VDAC2: variants seen among roughly 807,000 people sequenced by gnomAD.
The protein encoded by VDAC2 is non-selective voltage-gated ion channel VDAC2.
Under a neutral mutation model 36.6 loss-of-function variants are expected in VDAC2, and 6 were observed. That is an observed-to-expected ratio of 0.16 (90% CI 0.09 to 0.32). The LOEUF (loss-of-function observed/expected upper bound fraction) is 0.32. Ranked by LOEUF, VDAC2 falls within the 10% of genes least tolerant of loss-of-function variation. The pLI, the probability that VDAC2 is intolerant of heterozygous loss-of-function variation, is 1.00. For synonymous variants in VDAC2, 109 were observed against 123.8 expected (o/e 0.88, Z 0.79); for missense variants, 247 against 346.0 (o/e 0.71, Z 2.27).
At chr10:75,228,868 A>G (rs1433976197) in intron 8 of VDAC2, among the ~76,000 whole-genome samples, 1 of 152,206 alleles carries the variant, frequency 6.6e-6, no homozygotes, top group Non-Finnish European at 1.5e-5. Context: ...GTGTCTTCAT[A>G]ATGTTAGGGG....
upstream of VDAC2, chr10:75,210,498 C>T (rs1288506739): frequency 1.3e-5 from 2 of 152,512 alleles, no homozygotes. Context: ...CCCGCCCCGT[C>T]CGTGACGCGT....
intron 8 of VDAC2, among the ~76,000 whole-genome samples, chr10:75,227,000 C>G (rs1191602719): frequency 6.6e-6 from 1 of 152,160 alleles, no homozygotes; most frequent in Non-Finnish European, 1.5e-5. Flanking sequence ...ACCCAAAGGA[C>G]TGAGTCCAGG....
chr10:75,220,323 G>T (rs1695770061), intron 6 of VDAC2, among the ~76,000 whole-genome samples: 2 of 151,460 alleles, frequency 1.3e-5, no homozygotes, highest in African/African-American at 4.9e-5. Flanking sequence ...TGGCCAGGCT[G>T]ATCTTAAACT....
Position 75,213,926 on chromosome 10 carries a change from T to A in VDAC2, c.101-95T>A. The A allele has an allele frequency of 4.2e-6, 5 of 1,192,790 alleles. No homozygotes were observed. The South Asian group carries it at 5.1e-5, about 12-fold the overall frequency. 73.9% of individuals were successfully genotyped at this position (1,192,790 alleles called of 1,614,324 possible). On this transcript the variant is annotated intron_variant, in intron 3 of 9. Coordinates refer to ENST00000332211, the MANE Select transcript of VDAC2 (RefSeq NM_001391963.1). ...ACATTTTTATCCACCTCTGAATATG[T>A]GGAATCTTTTTGTTTTTTATGTATA...
intron 4 of VDAC2, among the ~76,000 whole-genome samples, 200 bp from the exon 5 acceptor site, chr10:75,218,859 CAGTT>C (rs1841698347): frequency 1.3e-5 from 2 of 152,046 alleles, no homozygotes; most frequent in Admixed American, 6.6e-5. Context: ...AAGTGGCAGT[CAGTT>C]GCTCAAAGGC....
intron 8 of VDAC2, among the ~76,000 whole-genome samples, chr10:75,228,707 T>C (rs1444628279): frequency 6.6e-6 from 1 of 152,258 alleles, no homozygotes; most frequent in Non-Finnish European, 1.5e-5. Context: ...TATAAGAGTA[T>C]AGACATCGAA....
intron 8 of VDAC2, among the ~76,000 whole-genome samples, chr10:75,228,420 G>A (rs1842020478): frequency 6.6e-6 from 1 of 151,924 alleles, no homozygotes; most frequent in Non-Finnish European, 1.5e-5. Context: ...ATCATACCAA[G>A]CTAGGAAAAT....
intron 4 of VDAC2, among the ~76,000 whole-genome samples, chr10:75,214,487 G>A (rs1306839071): frequency 6.6e-6 from 1 of 152,100 alleles, no homozygotes; most frequent in Non-Finnish European, 1.5e-5. Context: ...CCCTGGAGAA[G>A]ATTTCCACAT....
At chr10:75,227,530 T>C (rs1481773341) in intron 8 of VDAC2, among the ~76,000 whole-genome samples, 1 of 151,690 alleles carries the variant, frequency 6.6e-6, no homozygotes, top group Non-Finnish European at 1.5e-5. Context: ...TTTTTTCTAC[T>C]CCTTATCACA....
At chr10:75,214,165 A>G in intron 4 of VDAC2, 95 bp downstream of exon 4, 2 of 1,322,258 alleles carry the variant, frequency 1.5e-6, no homozygotes, top group South Asian at 1.3e-5. Context: ...GTTTTGTCTT[A>G]AAGAAGAGGC....
chr10:75,222,541 C>T (rs1032874497), intron 8 of VDAC2, 139 bp downstream of exon 8: 35 of 1,227,556 alleles, frequency 2.9e-5, no homozygotes, highest in Admixed American at 1.4e-4. Context: ...TTTTGAAATG[C>T]GCTTTTTTGA....
chr10:75,215,913 G>C (rs1302932515), intron 4 of VDAC2, among the ~76,000 whole-genome samples: 4 of 145,116 alleles, frequency 2.8e-5, no homozygotes, highest in Non-Finnish European at 5.9e-5. Flanking sequence ...GTAGAAACAG[G>C]GTTTTGCCAT....
At chr10:75,226,036 G>A (rs1350729034) in intron 8 of VDAC2, among the ~76,000 whole-genome samples, 2 of 151,934 alleles carry the variant, frequency 1.3e-5, no homozygotes. Flanking sequence ...CTGGTAATCC[G>A]CCCGCCTCAG....
chr10:75,214,057 C>CTTGCAG lies in VDAC2; in HGVS notation c.139_144dup (p.Cys47_Ser48dup). On this transcript the variant is annotated inframe_insertion, in exon 4 of 10. Transcript: ENST00000332211. Reference sequence around the variant, plus strand: ...GTGAAACTGGATGTGAAAACAAAGTCTTGCAGTGGCGTGGTGAGTGTTACT... The same window carrying CTTGCAG: ...GTGAAACTGGATGTGAAAACAAAGTCTTGCAGTTGCAGTGGCGTGGTGAGTGTTACT... 1 of 1,613,178 alleles carries CTTGCAG rather than the reference C, an allele frequency of 6.2e-7. No homozygotes were observed. Among genetic ancestry groups the CTTGCAG allele is most frequent in the Non-Finnish European group, 8.5e-7 (1 of 1,179,490 alleles).
intron 8 of VDAC2, among the ~76,000 whole-genome samples, chr10:75,223,315 C>T (rs1015927140): frequency 6.6e-6 from 1 of 152,160 alleles, no homozygotes; most frequent in Non-Finnish European, 1.5e-5. Context: ...GCAATAAAAA[C>T]CTCAAGATTC....
chr10:75,222,322 C>G lies in VDAC2; in HGVS notation c.655C>G (p.Leu219Val). ...VCEDLDTSVN[L>V]AWTSGTNCTR... ...TGAAGATCTTGACACTTCAGTAAAC[C>G]TTGCTTGGACATCAGGTACCAACTG... Residue 219 changes from leucine to valine, a missense_variant, in exon 8 of 10, where the codon CTT becomes GTT. Physicochemically the swap from Leu to Val is conservative, Grantham distance 32. Around this residue, in one of 3 missense-constraint regions of VDAC2, gnomAD observed 159 missense variants for 234.0 expected, o/e 0.68. Coordinates refer to ENST00000332211, the MANE Select transcript of VDAC2 (RefSeq NM_001391963.1). 6.2e-7 allele frequency: 1 copy of G among 1,614,018 alleles called. No homozygotes were observed. The highest frequency in any genetic ancestry group is 1.1e-5 in the South Asian group (1 of 91,058).
At chr10:75,214,989 C>T (rs911333483) in intron 4 of VDAC2, among the ~76,000 whole-genome samples, 1 of 152,192 alleles carries the variant, frequency 6.6e-6, no homozygotes, top group African/African-American at 2.4e-5. Flanking sequence ...TCTCAGCTCA[C>T]TGCAGCCTCG....
intron 8 of VDAC2, among the ~76,000 whole-genome samples, chr10:75,223,101 C>T (rs1384129834): frequency 6.6e-6 from 1 of 151,870 alleles, no homozygotes; most frequent in East Asian, 1.9e-4. Context: ...CTGCCTCAGC[C>T]TCCTGAGTAG....
In VDAC2 at chr10:75,222,306, T is replaced by G. The variant is rs1454640044; in HGVS notation, c.639T>G (p.Leu213=). Residue 213 remains leucine, a synonymous_variant, in exon 8 of 10, where the codon CTT becomes CTG. Transcript: ENST00000332211. ...GSIYQKVCED[L]DTSVNLAWTS... ...TTTATCAGAAAGTTTGTGAAGATCT[T>G]GACACTTCAGTAAACCTTGCTTGGA... 1.9e-6 allele frequency: 3 copies of G among 1,614,138 alleles called. No individual in the cohort carries two copies. The highest frequency in any genetic ancestry group is 8.5e-7 in the Non-Finnish European group (1 of 1,179,992).
Sources: gnomAD v4.1 joint callset for allele counts (sites outside exome capture counted in the v4.1 genomes callset) on GRCh38, gnomAD v4.1.1 for gene constraint, gnomAD v4.1.1 regional missense constraint, MANE v1.5 for transcripts, NCBI Gene and HGNC (gene_info 2026-07-23, HGNC 2026-07-21) for gene names.